The following PBLD variants were observed in gnomAD, a reference collection of about 807,000 sequenced individuals.
PBLD encodes the protein phenazine biosynthesis like protein domain containing, also known as phenazine biosynthesis-like domain-containing protein.
In PBLD, 26 loss-of-function variants were observed where a neutral mutation model predicts 31.3. The observed-to-expected ratio is 0.83, with a 90% CI of 0.61 to 1.15. PBLD has a LOEUF of 1.15. Among genes scored for constraint, PBLD ranks in the 50% most tolerant of loss-of-function variants. The pLI, the probability that PBLD is intolerant of heterozygous loss-of-function variation, is 0.00. For synonymous variants in PBLD, 114 were observed against 129.0 expected (o/e 0.88, Z 0.79); for missense variants, 307 against 351.7 (o/e 0.87, Z 1.02).
intron 1 of PBLD, among the ~76,000 whole-genome samples, chr10:68,311,621 G>A (rs1432327471): frequency 5.9e-5 from 9 of 151,684 alleles, no homozygotes; most frequent in Non-Finnish European, 1.2e-4. Flanking sequence ...GCATGGTGGC[G>A]CATGCCTGTA....
chr10:68,304,660 G>C (rs547383409), intron 2 of PBLD, among the ~76,000 whole-genome samples: 1 of 152,254 alleles, frequency 6.6e-6, no homozygotes, highest in South Asian at 2.1e-4. Flanking sequence ...GGAGTAAGTT[G>C]GACAATAATC....
chr10:68,328,138 T>C (rs2044952963), intron 1 of PBLD, among the ~76,000 whole-genome samples: 1 of 152,222 alleles, frequency 6.6e-6, no homozygotes, highest in Non-Finnish European at 1.5e-5. Context: ...ACATAGGATA[T>C]AAACCAAAGA....
intron 2 of PBLD, among the ~76,000 whole-genome samples, chr10:68,297,753 C>T (rs1375353165): frequency 2.0e-5 from 3 of 152,078 alleles, no homozygotes; most frequent in South Asian, 2.1e-4. Context: ...AGAAATTAAA[C>T]GGAGAGATCA....
chr10:68,320,933 T>C (rs979322554), intron 1 of PBLD, among the ~76,000 whole-genome samples: 2 of 151,926 alleles, frequency 1.3e-5, no homozygotes, highest in African/African-American at 4.8e-5. Flanking sequence ...GCAATTCTCC[T>C]GCCTCAGCCT....
rs1188773336 is a variant in PBLD at position 68,285,350 on chromosome 10, T to A, written c.752A>T (p.His251Leu). ...AAATTGGTAAAGAGCTGTCCTACCA[T>A]GCATTTCTTTCTTCCCCAGATGCTG... Reference protein sequence around the residue: ...WSQHLGKKEMHAFQCSHRGGE... With the variant: ...WSQHLGKKEMLAFQCSHRGGE... The change falls in exon 9 of 10, where the codon CAT becomes CTT. Residue 251 changes from histidine (H) to leucine (L), a missense_variant and splice_region_variant. His to Leu is a moderately conservative substitution (Grantham distance 99). Transcript: ENST00000358769. 3 of 1,614,044 alleles carry A rather than the reference T, an allele frequency of 1.9e-6. No homozygotes were observed. The highest frequency in any genetic ancestry group is 2.5e-6 in the Non-Finnish European group (3 of 1,179,942).
chr10:68,327,767 A>G (rs1272900962), intron 1 of PBLD, among the ~76,000 whole-genome samples: 1 of 152,028 alleles, frequency 6.6e-6, no homozygotes, highest in East Asian at 1.9e-4. Context: ...TGTGCTTATG[A>G]CACACTAAAA....
chr10:68,310,332 T>C (rs959497634), intron 1 of PBLD, among the ~76,000 whole-genome samples: 3 of 144,316 alleles, frequency 2.1e-5, no homozygotes, highest in Non-Finnish European at 3.0e-5. Flanking sequence ...ACAGATAAAA[T>C]TATATTTATC....
rs746460984 is a variant in PBLD at position 68,296,302 on chromosome 10, T to C, written c.247A>G (p.Thr83Ala). Reference sequence around the variant, plus strand: ...AACAGCACAGCTGCAGAAGCCAGGGTGGCATGGCCACAGAGTGGGACCTCA... The same window carrying C: ...AACAGCACAGCTGCAGAAGCCAGGGCGGCATGGCCACAGAGTGGGACCTCA... ...ASEVPLCGHA[T>A]LASAAVLFHK... The change falls in exon 4 of 10, where the codon ACC (threonine) becomes GCC (alanine). Residue 83 changes from threonine to alanine, a missense_variant. Transcript: ENST00000358769. 6.2e-7 allele frequency: 1 copy of C among 1,613,870 alleles called. No individual in the cohort carries two copies. The highest frequency in any genetic ancestry group is 1.1e-5 in the South Asian group (1 of 91,058).
chr10:68,283,323 G>T lies in PBLD; in HGVS notation c.*854C>A, dbSNP rs1038418918. ...CAACAATAAAGGAAATCACTTCTTA[G>T]ATACATTAAAATTACTTCTAAACTT... is the stretch of plus-strand genomic sequence containing the variant. On this transcript the variant is annotated 3_prime_UTR_variant, in exon 10 of 10. Coordinates refer to ENST00000358769, the MANE Select transcript of PBLD (RefSeq NM_022129.4). 6.6e-6 allele frequency: 1 copy of T among 152,130 alleles called. No homozygotes were observed. The highest frequency in any genetic ancestry group is 1.5e-5 in the Non-Finnish European group (1 of 68,034). 9.4% of individuals were successfully genotyped at this position (152,130 alleles called of 1,614,324 possible).
At chr10:68,318,792 G>A (rs1399689619) in intron 1 of PBLD, among the ~76,000 whole-genome samples, 1 of 151,756 alleles carries the variant, frequency 6.6e-6, no homozygotes, top group Non-Finnish European at 1.5e-5. Context: ...TGAGTTGGGT[G>A]CAGTGGCTCA....
At position 68,282,829 on chromosome 10, in the gene PBLD, T is replaced by C. The variant is rs986968003; in HGVS notation, c.*1348A>G. ...ATGTCTGACTGATTAGCTTGCAGTT[T>C]TTGAGACGGCTGAGAACTACCATCA... On this transcript the variant is annotated 3_prime_UTR_variant, in exon 10 of 10. Coordinates refer to ENST00000358769, the MANE Select transcript of PBLD (RefSeq NM_022129.4). The C allele has an allele frequency of 5.3e-5, 8 of 152,204 alleles. No individual in the cohort carries two copies. 9.4% of individuals were successfully genotyped at this position (152,204 alleles called of 1,614,324 possible). A position where few individuals can be genotyped will look rare whatever the true frequency, so the allele number is the denominator to read the frequency against.
chr10:68,292,286 T>C (rs775124125), intron 4 of PBLD, 48 bp from the exon 5 acceptor site: 48 of 1,468,704 alleles, frequency 3.3e-5, no homozygotes, highest in Non-Finnish European at 4.2e-5. Context: ...TTGTCATATA[T>C]GCGCATGTCC....
intron 1 of PBLD, among the ~76,000 whole-genome samples, chr10:68,319,103 GAA>G (rs1564737543): frequency 7.4e-5 from 9 of 121,652 alleles, no homozygotes; most frequent in African/African-American, 2.8e-4. Flanking sequence ...AAGAAAGAAA[GAA>G]AGAAAGGAAA....
At chr10:68,297,754 G>A (rs1023756700) in intron 2 of PBLD, among the ~76,000 whole-genome samples, 2 of 152,012 alleles carry the variant, frequency 1.3e-5, no homozygotes, top group Admixed American at 6.6e-5. Flanking sequence ...GAAATTAAAC[G>A]GAGAGATCAT....
At chr10:68,306,679 T>C (rs1406938312) in intron 2 of PBLD, 82 bp downstream of exon 2, 15 of 1,290,192 alleles carry the variant, frequency 1.2e-5, no homozygotes, top group Non-Finnish European at 1.7e-5. Context: ...AACAAACAGG[T>C]GAAACTAGTC....
chr10:68,330,752 G>C (rs1372602129), intron 1 of PBLD, among the ~76,000 whole-genome samples: 1 of 136,390 alleles, frequency 7.3e-6, no homozygotes, highest in Non-Finnish European at 1.6e-5. Context: ...GTGTGTGTGT[G>C]TGTGTATTTT....
At chr10:68,324,604 CTTTA>C (rs201038659) in intron 1 of PBLD, among the ~76,000 whole-genome samples, 239 of 148,628 alleles carry the variant, frequency 1.6e-3, no homozygotes, top group African/African-American at 5.6e-3. Flanking sequence ...ACCCTCCACA[CTTTA>C]TTTATTTATT....
intron 1 of PBLD, among the ~76,000 whole-genome samples, chr10:68,317,095 A>G (rs1260781999): frequency 6.6e-6 from 1 of 152,228 alleles, no homozygotes; most frequent in Non-Finnish European, 1.5e-5. Context: ...AATAAGATTA[A>G]CAGCTGGTTT....
chr10:68,331,987 G>C (rs1218600383), intron 1 of PBLD: 1 of 152,528 alleles, frequency 6.6e-6, no homozygotes, highest in African/African-American at 2.4e-5. Flanking sequence ...CCCGTCTCGC[G>C]AGAGTGGGGC....
Sources: gnomAD v4.1 joint callset for allele counts (sites outside exome capture counted in the v4.1 genomes callset) on GRCh38, gnomAD v4.1.1 for gene constraint, MANE v1.5 for transcripts, NCBI Gene and HGNC (gene_info 2026-07-23, HGNC 2026-07-21) for gene names.